Variants in ARHGAP17 observed in about 807,000 individuals in gnomAD.
ARHGAP17 encodes the protein rho GTPase-activating protein 17.
In ARHGAP17, 57 loss-of-function variants were observed where a neutral mutation model predicts 99.5. The observed-to-expected ratio is 0.57, with a 90% confidence interval of 0.46 to 0.71. ARHGAP17 has a LOEUF of 0.71. Among genes scored for constraint, ARHGAP17 ranks in the 30% least tolerant of loss-of-function variants. ARHGAP17 has a pLI of 0.00. For synonymous variants in ARHGAP17, 417 were observed against 429.6 expected (o/e 0.97, Z 0.36); for missense variants, 1,000 against 1,122.4 (o/e 0.89, Z 1.56).
At chr16:24,981,931 A>C (rs984975541) in intron 1 of ARHGAP17, among the ~76,000 whole-genome samples, 1 of 152,160 alleles carries the variant, frequency 6.6e-6, no homozygotes, top group African/African-American at 2.4e-5. Context: ...TCTGCTTTAG[A>C]GGTACTTTAC....
In ARHGAP17 at chr16:25,015,281, G is replaced by A; in HGVS notation, c.-20C>T. On this transcript the variant is annotated 5_prime_UTR_variant, in exon 1 of 20. Coordinates refer to ENST00000289968, the MANE Select transcript of ARHGAP17 (RefSeq NM_001006634.3). ...CTTCATGGCGGCGGTGGCGGCGGCG[G>A]CCCGCGGGGCTCGGGCCGGGCAGGG... is the stretch of plus-strand genomic sequence containing the variant. 2.3e-6 allele frequency: 3 copies of A among 1,329,632 alleles called. No homozygotes were observed. Among genetic ancestry groups the A allele is most frequent in the Non-Finnish European group, 1.9e-6 (2 of 1,030,220 alleles). 82.4% of individuals were successfully genotyped at this position (1,329,632 alleles called of 1,614,324 possible). A position where few individuals can be genotyped will look rare whatever the true frequency, so the allele number is the denominator to read the frequency against.
intron 19 of ARHGAP17, among the ~76,000 whole-genome samples, chr16:24,921,940 G>A (rs796952627): frequency 4.6e-5 from 7 of 152,366 alleles, no homozygotes; most frequent in African/African-American, 1.7e-4. Context: ...CAGGGACTGT[G>A]TCTGTCTTGT....
chr16:24,992,228 G>C (rs1477946639), intron 1 of ARHGAP17, among the ~76,000 whole-genome samples: 1 of 152,232 alleles, frequency 6.6e-6, no homozygotes, highest in Admixed American at 6.5e-5. Flanking sequence ...TAGCAGGATG[G>C]AAGTAGGAAC....
rs950123701 is a variant in ARHGAP17 at position 24,949,626 on chromosome 16, A to G, written c.1047-142T>C. The stretch of plus-strand genomic sequence containing the variant: ...CCATGCTATGGAAATAAACAGATTT[A>G]GAGTCAAATACCAATTAACTGTTTA... On this transcript the variant is annotated intron_variant, in intron 12 of 19. Transcript: ENST00000289968. 4 of 665,122 alleles carry G rather than the reference A, an allele frequency of 6.0e-6. No homozygotes were observed. In the African/African-American group the frequency reaches 7.3e-5, roughly 12 times the overall value. 41.2% of individuals were successfully genotyped at this position (665,122 alleles called of 1,614,324 possible).
intron 1 of ARHGAP17, among the ~76,000 whole-genome samples, chr16:24,982,974 A>ATATATATATATATT (rs2052721100): frequency 5.2e-5 from 1 of 19,402 alleles, no homozygotes; most frequent in African/African-American, 2.0e-4. Flanking sequence ...TCATATATAT[A>ATATATATATATATT]TATATATATA....
intron 17 of ARHGAP17, chr16:24,936,947 G>A (rs977135745): frequency 3.3e-5 from 5 of 150,960 alleles, no homozygotes; most frequent in East Asian, 2.0e-4. Flanking sequence ...GTGAGACCTC[G>A]TCTCTACAAA....
intron 12 of ARHGAP17, among the ~76,000 whole-genome samples, chr16:24,951,957 G>A (rs1462177236): frequency 6.6e-6 from 1 of 152,076 alleles, no homozygotes; most frequent in East Asian, 1.9e-4. Flanking sequence ...ACACTGCCAC[G>A]GGTCAGTATG....
intron 6 of ARHGAP17, among the ~76,000 whole-genome samples, chr16:24,968,086 TC>T (rs1271123456): frequency 2.6e-5 from 4 of 152,168 alleles, no homozygotes; most frequent in Non-Finnish European, 4.4e-5. Flanking sequence ...ACTGCCACCA[TC>T]CCCTCTTCCG....
rs79781184 is a variant in ARHGAP17, at chr16:24,978,273, G to T, written c.93+693C>A. On this transcript the variant is annotated intron_variant, in intron 2 of 19. Coordinates refer to ENST00000289968, the MANE Select transcript of ARHGAP17 (RefSeq NM_001006634.3). ...AAGGACAGAAGCCTGGATCTGTTTT[G>T]TTCACTGATTTCTCCCAGTGCCTGG... Among the ~76,000 whole-genome samples, 557 of 152,288 alleles carry T rather than the reference G, an allele frequency of 3.7e-3. 8 individuals are homozygous for T. The highest frequency in any genetic ancestry group is 0.013 in the African/African-American group (536 of 41,556).
intron 1 of ARHGAP17, among the ~76,000 whole-genome samples, chr16:24,987,484 G>A (rs529702952): frequency 6.6e-5 from 10 of 152,158 alleles, no homozygotes; most frequent in South Asian, 6.2e-4. Context: ...GGATTTCTAC[G>A]TTTTCCCAAC....
intron 3 of ARHGAP17, among the ~76,000 whole-genome samples, 193 bp from the exon 4 acceptor site, chr16:24,970,773 G>A (rs2052339294): frequency 6.6e-6 from 1 of 152,146 alleles, no homozygotes; most frequent in Admixed American, 6.5e-5. Context: ...GGGGCTATCT[G>A]TTGACTAAAG....
rs377654138 is a variant in ARHGAP17, at chr16:24,981,920, C to T, written c.54-2915G>A. 6.0e-4 allele frequency among the ~76,000 whole-genome samples: 92 copies of T among 152,120 alleles called. No individual in the cohort carries two copies. The South Asian group carries it at 0.019, about 31-fold the overall frequency. Reference sequence around the variant, plus strand: ...CCATTTTTTTCAAATTAACTGGACCCTCTGCTTTAGAGGTACTTTACATGA... The same window carrying T: ...CCATTTTTTTCAAATTAACTGGACCTTCTGCTTTAGAGGTACTTTACATGA... On this transcript the variant is annotated intron_variant, in intron 1 of 19. Transcript: ENST00000289968.
intron 1 of ARHGAP17, among the ~76,000 whole-genome samples, chr16:24,980,780 C>T (rs1248564021): frequency 6.6e-6 from 1 of 152,142 alleles, no homozygotes; most frequent in Non-Finnish European, 1.5e-5. Flanking sequence ...CAAAATGCCA[C>T]CAGGGAATGG....
At position 24,931,120 on chromosome 16, in the gene ARHGAP17, G is replaced by T. The variant is rs2050975604; in HGVS notation, c.2179C>A (p.His727Asn). Reference sequence around the variant, plus strand: ...GGGCCCTGGCTATTGGGTTTGGTGTGCATCAGTGGCGTGGCCTGCGTAGGG... The same window carrying T: ...GGGCCCTGGCTATTGGGTTTGGTGTTCATCAGTGGCGTGGCCTGCGTAGGG... ...QPPTQATPLM[H>N]TKPNSQGPPN... Residue 727 changes from histidine to asparagine, a missense_variant, in exon 19 of 20, where the codon CAC becomes AAC. Around this residue, in one of 2 missense-constraint regions of ARHGAP17, gnomAD observed 528 missense variants for 511.4 expected, o/e 1.03. Coordinates refer to ENST00000289968, the MANE Select transcript of ARHGAP17 (RefSeq NM_001006634.3). The T allele has an allele frequency of 6.2e-7, 1 of 1,606,624 alleles. No homozygotes were observed. The highest frequency in any genetic ancestry group is 1.3e-5 in the African/African-American group (1 of 74,740).
intron 1 of ARHGAP17, among the ~76,000 whole-genome samples, chr16:25,014,767 G>A (rs1195777535): frequency 2.0e-5 from 3 of 152,216 alleles, no homozygotes; most frequent in African/African-American, 7.2e-5. Context: ...GGGAGCACCG[G>A]GAAAGCCTGG....
intron 1 of ARHGAP17, among the ~76,000 whole-genome samples, chr16:24,995,433 G>A (rs890471858): frequency 2.0e-5 from 3 of 152,206 alleles, no homozygotes; most frequent in African/African-American, 7.2e-5. Context: ...AGAGCACCCA[G>A]GTCAGGGAGA....
At chr16:24,994,654 T>C (rs941699897) in intron 1 of ARHGAP17, among the ~76,000 whole-genome samples, 8 of 152,158 alleles carry the variant, frequency 5.3e-5, no homozygotes, top group African/African-American at 1.4e-4. Context: ...TTGCAAGAAC[T>C]GAACTCTACG....
intron 4 of ARHGAP17, among the ~76,000 whole-genome samples, chr16:24,968,983 TTG>T (rs2052280098): frequency 6.6e-6 from 1 of 152,200 alleles, no homozygotes; most frequent in Non-Finnish European, 1.5e-5. Flanking sequence ...GGGATGCACT[TTG>T]TGTGTGTGGG....
chr16:24,954,753 T>TA, intron 9 of ARHGAP17, 23 bp from the exon 10 acceptor site: 2 of 1,612,160 alleles, frequency 1.2e-6, no homozygotes, highest in Non-Finnish European at 1.7e-6. Flanking sequence ...ATTGTTCAGT[T>TA]AGACACCCAA....
Sources: gnomAD v4.1 joint callset for allele counts (sites outside exome capture counted in the v4.1 genomes callset) on GRCh38, gnomAD v4.1.1 for gene constraint, gnomAD v4.1.1 regional missense constraint, MANE v1.5 for transcripts, NCBI Gene and HGNC (gene_info 2026-07-23, HGNC 2026-07-21) for gene names.